The following SOX5 variants were observed in gnomAD, a reference collection of about 807,000 sequenced individuals.
The protein encoded by SOX5 is transcription factor SOX-5.
A neutral mutation model predicts 92.0 loss-of-function variants in SOX5; 9 were observed. The observed-to-expected ratio is 0.10, with a 90% CI of 0.06 to 0.17. SOX5 has a LOEUF of 0.17. SOX5 is among the 10% of genes least tolerant of loss of function. The pLI, the probability that SOX5 is intolerant of heterozygous loss-of-function variation, is 1.00. For missense variants in SOX5, 642 were observed against 944.5 expected, an observed-to-expected ratio of 0.68 and a Z score of 4.20; for synonymous variants, 344 against 336.3, an observed-to-expected ratio of 1.02 and a Z score of -0.25.
rs938562656 is a variant in SOX5, at chr12:23,531,481, A to G, written c.*2738T>C. ...TAAAACAAAGTATTCTTGTAGCCCA[A>G]ACTCATGAAATGAAAACAAAGCATC... is the stretch of plus-strand genomic sequence containing the variant. On this transcript the variant is annotated 3_prime_UTR_variant, in exon 15 of 15. Coordinates refer to ENST00000451604, the MANE Select transcript of SOX5 (RefSeq NM_006940.6). 1.3e-5 allele frequency: 2 copies of G among 152,134 alleles called. No homozygotes were observed. The highest frequency in any genetic ancestry group is 2.9e-5 in the Non-Finnish European group (2 of 68,050). The allele number at this position is 152,134 out of a possible 1,614,324, so 9.4% of individuals were successfully genotyped here.
chr12:23,749,440 G>A (rs1343598731), intron 4 of SOX5, among the ~76,000 whole-genome samples: 3 of 151,696 alleles, frequency 2.0e-5, no homozygotes, highest in African/African-American at 7.3e-5. Flanking sequence ...TTAAAAGGTG[G>A]GCCTTGGCTT....
intron 3 of SOX5, among the ~76,000 whole-genome samples, chr12:24,247,421 A>C (rs1055811793): frequency 3.3e-5 from 5 of 152,190 alleles, no homozygotes; most frequent in African/African-American, 7.2e-5. Context: ...TTCTTGCAGC[A>C]CAGGGTAGGT....
In SOX5 at chr12:23,576,030, A is replaced by G. The variant is rs537182994; in HGVS notation, c.1165-192T>C. On this transcript the variant is annotated intron_variant, in intron 9 of 14. Coordinates refer to ENST00000451604, the MANE Select transcript of SOX5 (RefSeq NM_006940.6). ...CCTCCTTCAACTATACATTCAAAATACCTTTTGTATAAGAGAAAGTACATG... is the reference window on the plus strand; with the variant it reads ...CCTCCTTCAACTATACATTCAAAATGCCTTTTGTATAAGAGAAAGTACATG... Among the ~76,000 whole-genome samples, 4 of 152,302 alleles carry G rather than the reference A, an allele frequency of 2.6e-5. No homozygotes were observed. In the South Asian group the frequency reaches 8.3e-4, roughly 32 times the overall value.
At chr12:23,640,754 A>G in intron 8 of SOX5, 58 bp downstream of exon 8, 1 of 1,220,726 alleles carries the variant, frequency 8.2e-7, no homozygotes, top group Non-Finnish European at 1.2e-6. Flanking sequence ...TAACACCATA[A>G]TAGCTGTTTT....
At chr12:24,070,498 T>C (rs1407457148) in intron 4 of SOX5, among the ~76,000 whole-genome samples, 1 of 151,866 alleles carries the variant, frequency 6.6e-6, no homozygotes, top group African/African-American at 2.4e-5. Context: ...GAAATACATA[T>C]AACCACTGAA....
At chr12:23,756,558 C>T (rs1005888010) in intron 3 of SOX5, among the ~76,000 whole-genome samples, 5 of 151,888 alleles carry the variant, frequency 3.3e-5, no homozygotes, top group Admixed American at 2.0e-4. Context: ...ATTGTATATT[C>T]TTGTCAGCAC....
At chr12:24,290,022 T>C (rs1057444260) in intron 2 of SOX5, among the ~76,000 whole-genome samples, 2 of 152,202 alleles carry the variant, frequency 1.3e-5, no homozygotes, top group Non-Finnish European at 2.9e-5. Flanking sequence ...CCTTGTCTAC[T>C]ACTCTCCTTG....
At chr12:23,814,101 C>T (rs1057310891) in intron 3 of SOX5, among the ~76,000 whole-genome samples, 3 of 151,624 alleles carry the variant, frequency 2.0e-5, no homozygotes, top group Non-Finnish European at 4.4e-5. Context: ...TTCAAAATTC[C>T]AAATAGAGAT....
intron 4 of SOX5, among the ~76,000 whole-genome samples, chr12:24,131,227 A>G (rs530912823): frequency 6.6e-5 from 10 of 152,342 alleles, no homozygotes; most frequent in Admixed American, 5.9e-4. Flanking sequence ...AAATATGCAT[A>G]GCATGTGTTT....
At chr12:23,639,395 A>G (rs984244996) in intron 8 of SOX5, among the ~76,000 whole-genome samples, 2 of 152,206 alleles carry the variant, frequency 1.3e-5, no homozygotes, top group African/African-American at 2.4e-5. Context: ...CCAATGGTCA[A>G]AGGAGAATGT....
Position 24,048,934 on chromosome 12 carries a change from G to T in SOX5, c.-1-152910C>A, listed in dbSNP as rs191062299. ...GTGGTGATGAAAATGTTTTAGCTTTGATTGTGGTGATGTTTGCACCACTCC... is the reference window on the plus strand; with the variant it reads ...GTGGTGATGAAAATGTTTTAGCTTTTATTGTGGTGATGTTTGCACCACTCC... On this transcript the variant is annotated intron_variant, in intron 4 of 4. Coordinates refer to the SOX5 transcript ENST00000446891. Among the ~76,000 whole-genome samples, 717 of 152,174 alleles carry T rather than the reference G, an allele frequency of 4.7e-3. 6 individuals carry two copies. The highest frequency in any genetic ancestry group is 0.016 in the African/African-American group (684 of 41,518).
intron 3 of SOX5, among the ~76,000 whole-genome samples, chr12:24,220,319 A>G (rs1594422012): frequency 6.6e-6 from 1 of 152,114 alleles, no homozygotes; most frequent in East Asian, 1.9e-4. Context: ...GTTCCAAAGT[A>G]TTAACTTTGG....
intron 3 of SOX5, among the ~76,000 whole-genome samples, chr12:23,788,729 C>G (rs1443070555): frequency 1.3e-5 from 2 of 151,790 alleles, no homozygotes; most frequent in Admixed American, 6.6e-5. Flanking sequence ...GACAAGAACA[C>G]AGCAGAAATT....
intron 4 of SOX5, among the ~76,000 whole-genome samples, chr12:23,991,329 A>AAC (rs1569426788): frequency 1.3e-5 from 2 of 151,226 alleles, no homozygotes; most frequent in Admixed American, 6.6e-5. Context: ...CTTAAAAAAA[A>AAC]AACAACAACA....
intron 1 of SOX5, among the ~76,000 whole-genome samples, chr12:24,429,954 T>C (rs1463891912): frequency 1.3e-5 from 2 of 152,210 alleles, no homozygotes; most frequent in South Asian, 4.1e-4. Flanking sequence ...TTTTCAGATA[T>C]AAAATTTGAA....
At chr12:24,338,254 T>C (rs1177923358) in intron 2 of SOX5, among the ~76,000 whole-genome samples, 1 of 152,192 alleles carries the variant, frequency 6.6e-6, no homozygotes, top group Non-Finnish European at 1.5e-5. Context: ...ATTTTAATTA[T>C]TTCCTACATT....
intron 1 of SOX5, among the ~76,000 whole-genome samples, chr12:24,419,506 C>T (rs1324920130): frequency 6.6e-6 from 1 of 152,050 alleles, no homozygotes; most frequent in African/African-American, 2.4e-5. Context: ...AGTCTAGACT[C>T]AAAAGAATTT....
intron 2 of SOX5, among the ~76,000 whole-genome samples, chr12:24,300,965 C>A (rs749835140): frequency 1.4e-4 from 22 of 152,164 alleles, no homozygotes; most frequent in Non-Finnish European, 2.8e-4. Flanking sequence ...ATACAGAAAA[C>A]CTTCTTCTTC....
intron 1 of SOX5, among the ~76,000 whole-genome samples, chr12:24,510,166 G>T (rs190340005): frequency 6.6e-6 from 1 of 152,286 alleles, no homozygotes; most frequent in East Asian, 1.9e-4. Flanking sequence ...AGACACAAGT[G>T]TATATTCATG....
Sources: allele counts gnomAD v4.1 joint callset (sites outside exome capture counted in the v4.1 genomes callset), GRCh38; gene constraint gnomAD v4.1.1; transcripts MANE v1.5; gene names NCBI Gene and HGNC (gene_info 2026-07-23, HGNC 2026-07-21).